The following DAB1 variants were observed in gnomAD, a reference collection of about 807,000 sequenced individuals.
DAB1 encodes the protein DAB adaptor protein 1, also known as disabled homolog 1.
Under a neutral mutation model 64.6 loss-of-function variants are expected in DAB1, and 15 were observed. The observed-to-expected ratio is 0.23, with a 90% CI of 0.16 to 0.36. The LOEUF (loss-of-function observed/expected upper bound fraction) is 0.36. Among genes scored for constraint, DAB1 ranks in the 10% least tolerant of loss-of-function variants. DAB1 has a pLI of 1.00. For missense variants in DAB1, 596 were observed against 706.7 expected, an observed-to-expected ratio of 0.84 and a Z score of 1.78; for synonymous variants, 235 against 251.9, an observed-to-expected ratio of 0.93 and a Z score of 0.64.
intron 4 of DAB1, among the ~76,000 whole-genome samples, chr1:58,291,780 A>G (rs1330779712): frequency 6.6e-6 from 1 of 152,222 alleles, no homozygotes; most frequent in Non-Finnish European, 1.5e-5. Flanking sequence ...AAGGTCACAT[A>G]GCTAGAAAAT....
intron 3 of DAB1, among the ~76,000 whole-genome samples, chr1:58,376,055 T>C (rs1429100945): frequency 2.6e-5 from 4 of 152,066 alleles, no homozygotes; most frequent in Non-Finnish European, 5.9e-5. Context: ...TTATTGTGTC[T>C]ATTTGATTCT....
At chr1:57,120,873 C>T (rs1295759486) in intron 4 of DAB1, among the ~76,000 whole-genome samples, 3 of 152,090 alleles carry the variant, frequency 2.0e-5, no homozygotes, top group East Asian at 1.9e-4. Context: ...ATTTGGGTTG[C>T]TTCCACCTTG....
chr1:58,044,537 A>G (rs1647198236), intron 5 of DAB1, among the ~76,000 whole-genome samples: 1 of 152,090 alleles, frequency 6.6e-6, no homozygotes, highest in Non-Finnish European at 1.5e-5. Context: ...TATATTAGAC[A>G]AAGAGAAAAG....
intron 3 of DAB1, among the ~76,000 whole-genome samples, chr1:58,445,835 A>C (rs1190812207): frequency 6.6e-6 from 1 of 152,124 alleles, no homozygotes; most frequent in Non-Finnish European, 1.5e-5. Flanking sequence ...AGACTTCATC[A>C]CCTCCACTCC....
intron 6 of DAB1, among the ~76,000 whole-genome samples, chr1:57,754,926 C>T (rs941907250): frequency 2.0e-5 from 3 of 152,108 alleles, no homozygotes; most frequent in African/African-American, 7.2e-5. Context: ...TCATCCAAAC[C>T]AATCCCTTAG....
chr1:58,360,485 G>A (rs1253896524), intron 3 of DAB1, among the ~76,000 whole-genome samples: 2 of 152,142 alleles, frequency 1.3e-5, no homozygotes, highest in Non-Finnish European at 2.9e-5. Context: ...CTGAGACTAA[G>A]TCCGTTCTTG....
At chr1:57,086,820 A>G (rs1283948143) in intron 4 of DAB1, among the ~76,000 whole-genome samples, 1 of 152,160 alleles carries the variant, frequency 6.6e-6, no homozygotes, top group African/African-American at 2.4e-5. Context: ...AACTAATAGC[A>G]TAAGGCTTTA....
intron 1 of DAB1, chr1:58,533,979 T>C (rs17117678): frequency 4.6e-6 from 4 of 871,998 alleles, no homozygotes; most frequent in East Asian, 2.4e-5. Context: ...GCATGTGCTA[T>C]TTCATGGCCC....
intron 2 of DAB1, among the ~76,000 whole-genome samples, chr1:57,233,066 GC>G (rs1159626572): frequency 6.6e-6 from 1 of 151,926 alleles, no homozygotes; most frequent in African/African-American, 2.4e-5. Context: ...TAAAAATAAA[GC>G]TGAGTAGGAA....
At chr1:57,066,384 G>A (rs1650913187) in intron 8 of DAB1, among the ~76,000 whole-genome samples, 1 of 152,158 alleles carries the variant, frequency 6.6e-6, no homozygotes, top group African/African-American at 2.4e-5. Flanking sequence ...ATTAAGTGAT[G>A]TGTAAAAATG....
chr1:57,746,865 C>A (rs1040941224), intron 6 of DAB1, among the ~76,000 whole-genome samples: 3 of 149,520 alleles, frequency 2.0e-5, no homozygotes, highest in South Asian at 4.3e-4. Flanking sequence ...GCTAAGAATA[C>A]CATTTTTTTT....
intron 7 of DAB1, among the ~76,000 whole-genome samples, chr1:57,646,084 A>G (rs1328402393): frequency 6.6e-6 from 1 of 152,218 alleles, no homozygotes; most frequent in Admixed American, 6.5e-5. Flanking sequence ...CTGTCTTGTT[A>G]CCATCTTATT....
intron 4 of DAB1, among the ~76,000 whole-genome samples, chr1:58,336,407 A>G (rs1357330089): frequency 6.6e-6 from 1 of 152,202 alleles, no homozygotes; most frequent in Non-Finnish European, 1.5e-5. Context: ...TGTGAGGTTG[A>G]GATGTTTTAT....
At chr1:57,703,414 T>G (rs9629010) in intron 6 of DAB1, among the ~76,000 whole-genome samples, 60,975 of 151,976 alleles carry the variant, frequency 0.4, 12,955 homozygotes, top group African/African-American at 0.55. Context: ...CATACATGCA[T>G]CCAACAATCA....
intron 5 of DAB1, chr1:58,048,678 G>C: frequency 7.6e-7 from 1 of 1,308,518 alleles, no homozygotes; most frequent in Non-Finnish European, 1.1e-6. Context: ...CCACCTCCAC[G>C]ACCACCACCA....
chr1:58,512,890 T>C (rs1360723643), intron 2 of DAB1, among the ~76,000 whole-genome samples: 1 of 150,086 alleles, frequency 6.7e-6, no homozygotes, highest in African/African-American at 2.5e-5. Flanking sequence ...GTAGATCTCA[T>C]GTTAAATGTA....
At chr1:57,503,028 T>C (rs1644307401) in intron 7 of DAB1, among the ~76,000 whole-genome samples, 1 of 152,172 alleles carries the variant, frequency 6.6e-6, no homozygotes, top group African/African-American at 2.4e-5. Context: ...AAACTAAGAC[T>C]CAGAGACCCA....
intron 7 of DAB1, among the ~76,000 whole-genome samples, chr1:57,454,720 T>A (rs1404994012): frequency 1.3e-5 from 2 of 152,052 alleles, no homozygotes; most frequent in East Asian, 3.9e-4. Flanking sequence ...ATATGACAGG[T>A]TGTTGAAGAT....
At chr1:58,110,753 T>C (rs1651923889) in intron 5 of DAB1, among the ~76,000 whole-genome samples, 1 of 152,260 alleles carries the variant, frequency 6.6e-6, no homozygotes, top group South Asian at 2.1e-4. Context: ...GCATCTCTGC[T>C]AACTTAGAAT....
Sources: allele counts gnomAD v4.1 joint callset (sites outside exome capture counted in the v4.1 genomes callset), GRCh38; gene constraint gnomAD v4.1.1; transcripts MANE v1.5; gene names NCBI Gene and HGNC (gene_info 2026-07-23, HGNC 2026-07-21).